The following CHFR variants were observed in gnomAD, a reference collection of about 807,000 sequenced individuals.
CHFR encodes the protein checkpoint with forkhead and ring finger domains.
A neutral mutation model predicts 87.6 loss-of-function variants in CHFR; 57 were observed. The observed-to-expected ratio is 0.65, with a 90% CI of 0.53 to 0.81. CHFR has a LOEUF of 0.81. Among genes scored for constraint, CHFR ranks in the 30% least tolerant of loss-of-function variants. The pLI, the probability that CHFR is intolerant of heterozygous loss-of-function variation, is 0.00. For missense variants in CHFR, 797 were observed against 865.8 expected (o/e 0.92, Z 1.00); for synonymous variants, 381 against 359.2 (o/e 1.06, Z -0.69).
chr12:132,857,480 G>A lies in CHFR; in HGVS notation c.991C>T (p.Arg331Cys), dbSNP rs770034782. 3.7e-6 allele frequency: 6 copies of A among 1,614,164 alleles called. No individual in the cohort carries two copies. Among genetic ancestry groups the A allele is most frequent in the South Asian group, 1.1e-5 (1 of 91,088 alleles). Residue 331 changes from arginine to cysteine, a missense_variant, in exon 9 of 18, where the codon CGC becomes TGC. Around this residue, in one of 2 missense-constraint regions of CHFR, gnomAD observed 597 missense variants for 601.2 expected, o/e 0.99. Transcript: ENST00000450056. ...MERSSLCPTC[R>C]CPVERICKNH... The stretch of plus-strand genomic sequence containing the variant: ...TTACAGATCCGCTCCACGGGACAGC[G>A]GCAGGTAGGACACAGGGACGAGCGC...
chr12:132,853,263 C>T (rs979600158), intron 11 of CHFR, among the ~76,000 whole-genome samples, 168 bp downstream of exon 11: 1 of 152,200 alleles, frequency 6.6e-6, no homozygotes, highest in Non-Finnish European at 1.5e-5. Flanking sequence ...AAATCAGTCA[C>T]GAAAAGCAAC....
At chr12:132,870,075 G>T (rs190534118) in intron 5 of CHFR, among the ~76,000 whole-genome samples, 17 of 152,136 alleles carry the variant, frequency 1.1e-4, no homozygotes, top group Middle Eastern at 3.4e-3. Context: ...CAGGCGTGCC[G>T]GGCGCGGTGG....
chr12:132,864,343 G>A (rs558306010), intron 6 of CHFR, among the ~76,000 whole-genome samples: 47 of 152,320 alleles, frequency 3.1e-4, no homozygotes, highest in East Asian at 9.6e-4. Flanking sequence ...CTCAGCCAAC[G>A]TGGAGAGGAG....
chr12:132,877,746 C>T, intron 2 of CHFR, 92 bp from the exon 3 acceptor site: 1 of 693,720 alleles, frequency 1.4e-6, no homozygotes, highest in Non-Finnish European at 2.4e-6. Context: ...GGTTCCAACT[C>T]AGGATCCCCA....
chr12:132,879,298 G>A (rs560082639), intron 2 of CHFR, among the ~76,000 whole-genome samples: 5 of 152,036 alleles, frequency 3.3e-5, no homozygotes, highest in South Asian at 4.1e-4. Context: ...CCTGGCCTGC[G>A]ATAGGCATTT....
intron 15 of CHFR, among the ~76,000 whole-genome samples, chr12:132,844,663 C>T (rs1950779446): frequency 6.6e-6 from 1 of 152,008 alleles, no homozygotes; most frequent in South Asian, 2.1e-4. Context: ...CCAAGTCTTG[C>T]TCTGTCGCCC....
chr12:132,848,744 G>C lies in CHFR; in HGVS notation c.1493-20C>G. 1.3e-6 allele frequency: 2 copies of C among 1,553,968 alleles called. No individual in the cohort carries two copies. The highest frequency in any genetic ancestry group is 1.7e-6 in the Non-Finnish European group (2 of 1,143,764). Reference sequence around the variant, plus strand: ...CCGCACCTGTGGAGAGAGGACACTCGTTACACGCACTCAGCGCTGAGGGCT... The same window carrying C: ...CCGCACCTGTGGAGAGAGGACACTCCTTACACGCACTCAGCGCTGAGGGCT... On this transcript the variant is annotated intron_variant, in intron 12 of 17. Coordinates refer to ENST00000450056, the MANE Select transcript of CHFR (RefSeq NM_001161346.2).
chr12:132,866,407 A>T (rs1951337701), intron 6 of CHFR: 1 of 152,170 alleles, frequency 6.6e-6, no homozygotes, highest in Non-Finnish European at 1.5e-5. Flanking sequence ...ACAGACCGGA[A>T]CACCACACCG....
intron 6 of CHFR, chr12:132,865,945 A>T (rs534060095): frequency 6.6e-6 from 1 of 152,342 alleles, no homozygotes; most frequent in East Asian, 1.9e-4. Context: ...AAGTGCTGGG[A>T]TTACAGGCGT....
At chr12:132,885,400 G>A (rs1951864652) in intron 2 of CHFR, among the ~76,000 whole-genome samples, 1 of 148,494 alleles carries the variant, frequency 6.7e-6, no homozygotes, top group Admixed American at 6.9e-5. Context: ...GATAGAGTGA[G>A]ACTCTGTCTC....
At chr12:132,853,360 G>A (rs1169630553) in intron 11 of CHFR, 71 bp downstream of exon 11, 4 of 1,388,884 alleles carry the variant, frequency 2.9e-6, no homozygotes, top group Admixed American at 3.4e-5. Context: ...GCGGCCACGT[G>A]CACGTCAGCA....
intron 5 of CHFR, 166 bp from the exon 6 acceptor site, chr12:132,869,964 T>G (rs1951446755): frequency 5.2e-6 from 4 of 765,200 alleles, no homozygotes; most frequent in East Asian, 2.7e-5. Context: ...ATCCCAGCAC[T>G]TTGGGAAGTC....
chr12:132,872,477 A>T (rs1163740105), intron 3 of CHFR, 83 bp from the exon 4 acceptor site: 1 of 878,874 alleles, frequency 1.1e-6, no homozygotes, highest in African/African-American at 1.6e-5. Flanking sequence ...ATTAGCAAGC[A>T]GCTCGATATG....
chr12:132,870,134 C>T lies in CHFR; in HGVS notation c.404-336G>A, dbSNP rs1382130770. ...TTGGGAGGCTGAGGCGGGTAGATCACGAGGTCAGGAGATCGAGGCCAACCT... is the reference window on the plus strand; with the variant it reads ...TTGGGAGGCTGAGGCGGGTAGATCATGAGGTCAGGAGATCGAGGCCAACCT... On this transcript the variant is annotated intron_variant, in intron 5 of 17. Coordinates refer to ENST00000450056, the MANE Select transcript of CHFR (RefSeq NM_001161346.2). 7.2e-5 allele frequency among the ~76,000 whole-genome samples: 11 copies of T among 152,022 alleles called. No homozygotes were observed. The Middle Eastern group carries it at 0.01, about 141-fold the overall frequency.
chr12:132,875,877 G>GTT (rs564048878), intron 3 of CHFR, among the ~76,000 whole-genome samples: 1 of 151,838 alleles, frequency 6.6e-6, no homozygotes, highest in Non-Finnish European at 1.5e-5. Context: ...ATAAAACACC[G>GTT]TAAGTGAAAA....
rs1225107842 is a variant in CHFR at position 132,838,325 on chromosome 12, C to T, written c.*3229G>A. On this transcript the variant is annotated 3_prime_UTR_variant, in exon 18 of 18. Transcript: ENST00000450056. Reference sequence around the variant, plus strand: ...GGGAGGAGGGTTGGCCTGAATCCCTCAGTCTGTTTTAAGCCAATCTGCCCA... The same window carrying T: ...GGGAGGAGGGTTGGCCTGAATCCCTTAGTCTGTTTTAAGCCAATCTGCCCA... 1 of 152,300 alleles carries T rather than the reference C, an allele frequency of 6.6e-6. No homozygotes were observed. Among genetic ancestry groups the T allele is most frequent in the Non-Finnish European group, 1.5e-5 (1 of 68,088 alleles). The allele number at this position is 152,300 out of a possible 1,614,324, so 9.4% of individuals were successfully genotyped here. A position where few individuals can be genotyped will look rare whatever the true frequency, so the allele number is the denominator to read the frequency against.
intron 14 of CHFR, 193 bp downstream of exon 14, chr12:132,847,892 G>A (rs997012731): frequency 1.5e-5 from 22 of 1,428,180 alleles, no homozygotes; most frequent in Admixed American, 2.9e-5. Flanking sequence ...TTTGGAATAC[G>A]GAAAAAACAG....
intron 2 of CHFR, among the ~76,000 whole-genome samples, chr12:132,886,007 A>C (rs1951883725): frequency 6.6e-6 from 1 of 152,188 alleles, no homozygotes; most frequent in African/African-American, 2.4e-5. Context: ...AAGACTACCA[A>C]AACACCCCAA....
Position 132,872,277 on chromosome 12 carries a change from T to C in CHFR, c.343+8A>G. The C allele has an allele frequency of 1.3e-6, 2 of 1,591,752 alleles. No homozygotes were observed. Among genetic ancestry groups the C allele is most frequent in the South Asian group, 2.2e-5 (2 of 90,566 alleles). On this transcript the variant is annotated splice_region_variant and intron_variant, in intron 4 of 17. Coordinates refer to ENST00000450056, the MANE Select transcript of CHFR (RefSeq NM_001161346.2). ...GGTCTGACCCCGGCAAGCCTTCCTC[T>C]CTCTTACTGTGTTCCGGTTCATTCT... is the stretch of plus-strand genomic sequence containing the variant.
Sources: gnomAD v4.1 joint callset for allele counts (sites outside exome capture counted in the v4.1 genomes callset) on GRCh38, gnomAD v4.1.1 for gene constraint, gnomAD v4.1.1 regional missense constraint, MANE v1.5 for transcripts, NCBI Gene and HGNC (gene_info 2026-07-23, HGNC 2026-07-21) for gene names.